Variants in ALDH16A1 observed in about 807,000 individuals in gnomAD.
The protein encoded by ALDH16A1 is aldehyde dehydrogenase family 16 member A1.
Under a neutral mutation model 96.1 loss-of-function variants are expected in ALDH16A1, and 88 were observed. The ratio of observed to expected loss-of-function variants is 0.92; its 90% CI spans 0.77 to 1.09. The LOEUF (loss-of-function observed/expected upper bound fraction) is 1.09. ALDH16A1 is among the 50% of genes least tolerant of loss of function. The pLI, the probability that ALDH16A1 is intolerant of heterozygous loss-of-function variation, is 0.00. For missense variants in ALDH16A1, 1,250 were observed against 1,112.6 expected, an observed-to-expected ratio of 1.12 and a Z score of -1.76; for synonymous variants, 522 against 496.4, an observed-to-expected ratio of 1.05 and a Z score of -0.69.
chr19:49,464,755 G>C lies in ALDH16A1; in HGVS notation c.1561G>C (p.Gly521Arg), dbSNP rs1438327603. 3.1e-6 allele frequency: 5 copies of C among 1,613,902 alleles called. No homozygotes were observed. The African/African-American group carries it at 6.7e-5, about 22-fold the overall frequency. ...PSTLPAGPEI[G>R]PSPAPPYGLF... ...AACCCTGCCGGCTGGGCCTGAAATA[G>C]GGCCCAGGTGAGTCGTTGGGGGCCA... Residue 521 changes from glycine (G) to arginine (R), a missense_variant, in exon 12 of 17, where the codon GGG becomes CGG. Coordinates refer to ENST00000293350, the MANE Select transcript of ALDH16A1 (RefSeq NM_153329.4).
At chr19:49,454,021 T>G (rs549546649) in intron 1 of ALDH16A1, among the ~76,000 whole-genome samples, 29 of 94,930 alleles carry the variant, frequency 3.1e-4, no homozygotes, top group Middle Eastern at 5.3e-3. Flanking sequence ...TTGGGTTGGG[T>G]TTTTTTTTTG....
chr19:49,468,965 G>A lies in ALDH16A1; in HGVS notation c.2226G>A (p.Met742Ile). 1 of 1,613,296 alleles carries A rather than the reference G, an allele frequency of 6.2e-7. No homozygotes were observed. Among genetic ancestry groups the A allele is most frequent in the Non-Finnish European group, 8.5e-7 (1 of 1,179,510 alleles). ...CLALHQDVQAMWYFGSAQGSQ... is the reference protein window; with the variant it reads ...CLALHQDVQAIWYFGSAQGSQ... Reference sequence around the variant, plus strand: ...CCTTGCACCAAGACGTCCAGGCCATGTGGTATTTCGGATCAGCCCAGGTGC... The same window carrying A: ...CCTTGCACCAAGACGTCCAGGCCATATGGTATTTCGGATCAGCCCAGGTGC... Residue 742 changes from methionine to isoleucine, a missense_variant, in exon 16 of 17, where the codon ATG (methionine) becomes ATA (isoleucine). Coordinates refer to ENST00000293350, the MANE Select transcript of ALDH16A1 (RefSeq NM_153329.4). The surrounding 1 kb of genome is among the most constrained non-coding windows in gnomAD (Gnocchi z 4.4).
chr19:49,454,759 G>C (rs1250043399), intron 1 of ALDH16A1, among the ~76,000 whole-genome samples: 1 of 152,198 alleles, frequency 6.6e-6, no homozygotes, highest in African/African-American at 2.4e-5. Context: ...AAGACGGGCA[G>C]ATCGCCTGAG....
intron 12 of ALDH16A1, among the ~76,000 whole-genome samples, 164 bp downstream of exon 12, chr19:49,464,926 C>G (rs377556606): frequency 6.6e-6 from 1 of 152,240 alleles, no homozygotes; most frequent in Admixed American, 6.5e-5. Context: ...CCAGGCCTGC[C>G]GAGACTCTCA....
At chr19:49,463,983 C>A (rs2079175738) in intron 9 of ALDH16A1, 34 bp downstream of exon 9, 2 of 1,589,362 alleles carry the variant, frequency 1.3e-6, no homozygotes, top group Non-Finnish European at 8.6e-7. Flanking sequence ...CTCCTACCCA[C>A]CGCCAGCCAA....
rs374357071 is a variant in ALDH16A1, at chr19:49,465,924, A to C, written c.1736+19A>C. ...TCCCTGGGTAAGGGGTCACACGGGA[A>C]AGCCCAAGGGTCATGGTGTGGCAGA... On this transcript the variant is annotated intron_variant, in intron 13 of 16. Coordinates refer to ENST00000293350, the MANE Select transcript of ALDH16A1 (RefSeq NM_153329.4). 1 of 1,611,056 alleles carries C rather than the reference A, an allele frequency of 6.2e-7. No individual in the cohort carries two copies. Among genetic ancestry groups the C allele is most frequent in the East Asian group, 2.2e-5 (1 of 44,826 alleles).
Position 49,462,022 on chromosome 19 carries a change from T to C in ALDH16A1, c.898T>C (p.Ser300Pro). Residue 300 changes from serine (S) to proline (P), a missense_variant, in exon 7 of 17, where the codon TCC becomes CCC. Ser to Pro is a moderately conservative substitution (Grantham distance 74). Coordinates refer to ENST00000293350, the MANE Select transcript of ALDH16A1 (RefSeq NM_153329.4). The stretch of plus-strand genomic sequence containing the variant: ...GGAGGGTGTCGTGGACGCCGCCTGG[T>C]CCGACCGCGGCCCGGTGAGACCCGT... ...AVEGVVDAAWSDRGPGGLRLL... is the reference protein window; with the variant it reads ...AVEGVVDAAWPDRGPGGLRLL... 1 of 1,542,070 alleles carries C rather than the reference T, an allele frequency of 6.5e-7. No individual in the cohort carries two copies. The highest frequency in any genetic ancestry group is 8.7e-7 in the Non-Finnish European group (1 of 1,148,030).
chr19:49,457,855 G>A (rs980141727), intron 1 of ALDH16A1, among the ~76,000 whole-genome samples: 11 of 151,862 alleles, frequency 7.2e-5, no homozygotes, highest in Non-Finnish European at 1.0e-4. Flanking sequence ...AGACCACCTC[G>A]GCCTCCCAAA....
Position 49,462,049 on chromosome 19 carries a change from C to T in ALDH16A1, c.912+13C>T, listed in dbSNP as rs546845361. On this transcript the variant is annotated intron_variant, in intron 7 of 16. Coordinates refer to ENST00000293350, the MANE Select transcript of ALDH16A1 (RefSeq NM_153329.4). Reference sequence around the variant, plus strand: ...CGACCGCGGCCCGGTGAGACCCGTGCGCTCCCGTCTCCTCATACCCTGGAG... The same window carrying T: ...CGACCGCGGCCCGGTGAGACCCGTGTGCTCCCGTCTCCTCATACCCTGGAG... The T allele has an allele frequency of 2.0e-6, 3 of 1,536,580 alleles. No individual in the cohort carries two copies. The highest frequency in any genetic ancestry group is 1.4e-5 in the African/African-American group (1 of 72,816).
chr19:49,462,781 G>A, intron 8 of ALDH16A1, 26 bp downstream of exon 8: 1 of 1,525,974 alleles, frequency 6.6e-7, no homozygotes. Context: ...GAGACTTGAG[G>A]GTGTCAGGGG....
chr19:49,462,696 GC>G lies in ALDH16A1; in HGVS notation c.1040del (p.Ala347ValfsTer155). 1.2e-6 allele frequency: 2 copies of G among 1,607,930 alleles called. No homozygotes were observed. Among genetic ancestry groups the G allele is most frequent in the Non-Finnish European group, 1.7e-6 (2 of 1,178,390 alleles). On this transcript the variant is annotated frameshift_variant, in exon 8 of 17. Coordinates refer to ENST00000293350, the MANE Select transcript of ALDH16A1 (RefSeq NM_153329.4). LOFTEE classifies it high-confidence loss of function. ...GGCCGTGGACATGGGGGCCCGGGGG[GC>G]TGCCGCATGTGACCTGGTCCAGCGC... ...DGAVDMGARG[A>X]AACDLVQRFV...
rs146381919 is a variant in ALDH16A1, at chr19:49,461,789, G to A, written c.748G>A (p.Gly250Arg). 18 of 1,610,730 alleles carry A rather than the reference G, an allele frequency of 1.1e-5. No homozygotes were observed. In the East Asian group the frequency reaches 2.0e-4, roughly 18 times the overall value. The change falls in exon 6 of 17, where the codon GGA becomes AGA. Residue 250 changes from glycine to arginine, a missense_variant. Coordinates refer to ENST00000293350, the MANE Select transcript of ALDH16A1 (RefSeq NM_153329.4). ...TGGAATCCGGAAGGTGGCCTTCTGC[G>A]GAGCCCCGGAGGTACCTTCGGGACA... is the stretch of plus-strand genomic sequence containing the variant. ...QPGIRKVAFC[G>R]APEEGRALRR...
Position 49,459,465 on chromosome 19 carries a change from C to T in ALDH16A1, c.321-205C>T, listed in dbSNP as rs977918137. Among the ~76,000 whole-genome samples the T allele has an allele frequency of 1.3e-5, 2 of 152,166 alleles. No homozygotes were observed. The highest frequency in any genetic ancestry group is 2.4e-5 in the African/African-American group (1 of 41,428). On this transcript the variant is annotated intron_variant, in intron 3 of 16. Transcript: ENST00000293350. The surrounding 1 kb of genome is among the most constrained non-coding windows in gnomAD (Gnocchi z 4.1). ...TCCCAAAAGCTTCAGGGATTTCCGG[C>T]GGCCAAGACCTTTACACAGCATCCT...
chr19:49,462,641 G>A lies in ALDH16A1; in HGVS notation c.984G>A (p.Gly328=), dbSNP rs554609453. Residue 328 remains glycine, a synonymous_variant, in exon 8 of 17, where the codon GGG becomes GGA. Transcript: ENST00000293350. ...TGAGACGGCTGCAGGAGCGGATGGG[G>A]CGGCTTCGGAGTGGCCGAGGGCTGG... ...EAMRRLQERM[G]RLRSGRGLDG... 3.7e-6 allele frequency: 6 copies of A among 1,612,730 alleles called. No homozygotes were observed. The South Asian group carries it at 4.4e-5, about 12-fold the overall frequency.
intron 14 of ALDH16A1, among the ~76,000 whole-genome samples, chr19:49,467,647 G>C (rs575086976): frequency 6.7e-6 from 1 of 148,154 alleles, no homozygotes; most frequent in African/African-American, 2.5e-5. Flanking sequence ...GCCCACCTTG[G>C]CCTCCCAAAG....
intron 13 of ALDH16A1, 37 bp downstream of exon 13, chr19:49,465,942 G>A: frequency 1.3e-6 from 2 of 1,598,770 alleles, no homozygotes; most frequent in Non-Finnish European, 1.7e-6. Flanking sequence ...GGGTCATGGT[G>A]TGGCAGAGAG....
In ALDH16A1 at chr19:49,461,878, C is replaced by A. The variant is rs759921326; in HGVS notation, c.760-6C>A. 87 of 1,587,460 alleles carry A rather than the reference C, an allele frequency of 5.5e-5. No individual in the cohort carries two copies. The highest frequency in any genetic ancestry group is 7.4e-5 in the Non-Finnish European group (86 of 1,167,326). On this transcript the variant is annotated splice_region_variant and splice_polypyrimidine_tract_variant and intron_variant, in intron 6 of 16. Transcript: ENST00000293350. ...CTCCTGCGGCTGAACTGGGGGGGGT[C>A]CCTAGGAAGGGCGTGCCCTTCGACG...
chr19:49,468,750 G>A lies in ALDH16A1; in HGVS notation c.2125-114G>A, dbSNP rs191690716. ...TGCCCATTCTTCACCCTAGGCCTGGGGCTTTCTCCTCCATGACCCCCCATC... is the reference window on the plus strand; with the variant it reads ...TGCCCATTCTTCACCCTAGGCCTGGAGCTTTCTCCTCCATGACCCCCCATC... On this transcript the variant is annotated intron_variant, in intron 15 of 16. Coordinates refer to ENST00000293350, the MANE Select transcript of ALDH16A1 (RefSeq NM_153329.4). The surrounding 1 kb of genome is among the most constrained non-coding windows in gnomAD (Gnocchi z 4.4). 1.9e-4 allele frequency: 268 copies of A among 1,412,708 alleles called. No individual in the cohort carries two copies. The Middle Eastern group carries it at 2.3e-3, about 12-fold the overall frequency. The allele number at this position is 1,412,708 out of a possible 1,614,324, so 87.5% of individuals were successfully genotyped here.
chr19:49,467,589 A>G lies in ALDH16A1; in HGVS notation c.1939-792A>G, dbSNP rs562983057. ...TTTTTTTTGTATATTTAGTAGAGAC[A>G]GGGTTTCACCATGTTAGGATGGTCT... is the stretch of plus-strand genomic sequence containing the variant. On this transcript the variant is annotated intron_variant, in intron 14 of 16. Transcript: ENST00000293350. Among the ~76,000 whole-genome samples, 654 of 148,486 alleles carry G rather than the reference A, an allele frequency of 4.4e-3. 2 individuals are homozygous for G. Among genetic ancestry groups the G allele is most frequent in the African/African-American group, 0.015 (599 of 40,322 alleles).
Sources: gnomAD v4.1 joint callset for allele counts (sites outside exome capture counted in the v4.1 genomes callset) on GRCh38, gnomAD v4.1.1 for gene constraint, Gnocchi (gnomAD v3.1) non-coding constraint, MANE v1.5 for transcripts, NCBI Gene and HGNC (gene_info 2026-07-23, HGNC 2026-07-21) for gene names.